COBLL1: variants seen among roughly 807,000 people sequenced by gnomAD.
COBLL1 encodes the protein cordon-bleu protein-like 1.
COBLL1 carries 50 observed loss-of-function variants against 94.8 expected under a neutral mutation model. The observed-to-expected ratio is 0.53, with a 90% CI of 0.42 to 0.67. The LOEUF (loss-of-function observed/expected upper bound fraction) is 0.67. Among genes scored for constraint, COBLL1 ranks in the 30% least tolerant of loss-of-function variants. COBLL1 has a pLI of 0.00. For missense variants in COBLL1, 1,362 were observed against 1,348.7 expected (o/e 1.01, Z -0.15); for synonymous variants, 448 against 473.8 (o/e 0.95, Z 0.71).
At chr2:164,700,106 A>G (rs1390710019) in intron 10 of COBLL1, among the ~76,000 whole-genome samples, 1 of 152,144 alleles carries the variant, frequency 6.6e-6, no homozygotes, top group African/African-American at 2.4e-5. Flanking sequence ...TTGACTGCAA[A>G]GATAATACTC....
chr2:164,713,668 T>C (rs1226384381), intron 7 of COBLL1, among the ~76,000 whole-genome samples: 1 of 152,174 alleles, frequency 6.6e-6, no homozygotes, highest in Non-Finnish European at 1.5e-5. Context: ...AACCTAAGCA[T>C]GTCGTCATCA....
At chr2:164,738,996 A>G (rs1686461864) in intron 3 of COBLL1, among the ~76,000 whole-genome samples, 1 of 152,164 alleles carries the variant, frequency 6.6e-6, no homozygotes, top group African/African-American at 2.4e-5. Context: ...TATATAAATT[A>G]AATATTTTAA....
At chr2:164,723,104 G>C (rs574669665) in intron 5 of COBLL1, 1 of 152,234 alleles carries the variant, frequency 6.6e-6, no homozygotes, top group Non-Finnish European at 1.5e-5. Context: ...GCCACCATTG[G>C]CAATGAGGTT....
intron 3 of COBLL1, among the ~76,000 whole-genome samples, chr2:164,731,630 G>A: frequency 6.6e-6 from 1 of 152,146 alleles, no homozygotes; most frequent in East Asian, 1.9e-4. Flanking sequence ...TTTACAGATG[G>A]AGGCATAGGT....
chr2:164,804,281 G>A (rs1440216318), intron 2 of COBLL1, among the ~76,000 whole-genome samples: 3 of 152,062 alleles, frequency 2.0e-5, no homozygotes, highest in Non-Finnish European at 4.4e-5. Flanking sequence ...GCAATCTCCA[G>A]ACGTATTGGA....
chr2:164,704,408 T>G (rs56944983), intron 9 of COBLL1, 36 bp downstream of exon 9: 1 of 1,344,300 alleles, frequency 7.4e-7, no homozygotes, highest in Non-Finnish European at 1.1e-6. Context: ...ACGTCCTTTT[T>G]CAGTAATTAC....
chr2:164,661,818 G>A (rs1691074273), intron 2 of COBLL1, among the ~76,000 whole-genome samples: 1 of 152,070 alleles, frequency 6.6e-6, no homozygotes, highest in East Asian at 1.9e-4. Flanking sequence ...TTTAACTTAA[G>A]GCATATTTAA....
At chr2:164,778,303 G>T (rs1370442265) in intron 2 of COBLL1, among the ~76,000 whole-genome samples, 1 of 152,150 alleles carries the variant, frequency 6.6e-6, no homozygotes, top group Non-Finnish European at 1.5e-5. Context: ...AAGTCTTAAT[G>T]CTCCAAAGAA....
intron 2 of COBLL1, among the ~76,000 whole-genome samples, chr2:164,747,188 AT>A (rs71838175): frequency 0.043 from 6,523 of 150,994 alleles, 149 homozygotes; most frequent in African/African-American, 0.07. Context: ...CTTGTCTGGG[AT>A]TTTTTTTTTA....
At chr2:164,779,430 T>C (rs1028045491) in intron 2 of COBLL1, among the ~76,000 whole-genome samples, 2 of 152,100 alleles carry the variant, frequency 1.3e-5, no homozygotes, top group Non-Finnish European at 2.9e-5. Context: ...CCTTGCTCCC[T>C]TCAGCCTTAA....
At chr2:164,715,380 A>C (rs3820984) in intron 7 of COBLL1, among the ~76,000 whole-genome samples, 2 of 152,062 alleles carry the variant, frequency 1.3e-5, no homozygotes. Context: ...TCCACTTTCT[A>C]TATAATAAAT....
chr2:164,727,654 C>A (rs1685780172), intron 5 of COBLL1, among the ~76,000 whole-genome samples: 1 of 149,482 alleles, frequency 6.7e-6, no homozygotes, highest in South Asian at 2.1e-4. Context: ...TCTGTTTAAG[C>A]CTCAAAGCCA....
chr2:164,747,354 C>G (rs12612633), intron 2 of COBLL1, among the ~76,000 whole-genome samples: 6,525 of 152,256 alleles, frequency 0.043, 149 homozygotes, highest in African/African-American at 0.07. Context: ...GTTTTGATGT[C>G]TGTGTGTGAC....
In COBLL1 at chr2:164,732,035, G is replaced by A. The variant is rs543018156; in HGVS notation, c.231-1920C>T. Among the ~76,000 whole-genome samples the A allele has an allele frequency of 2.5e-4, 38 of 152,190 alleles. No individual in the cohort carries two copies. In the East Asian group the frequency reaches 4.4e-3, roughly 18 times the overall value. On this transcript the variant is annotated intron_variant, in intron 3 of 13. Transcript: ENST00000652658. ...GCCCCCATCTCTACTTTCTGTGGTC[G>A]CTGCCTACTCCTAGGCCAGTCCAAT...
chr2:164,691,356 A>G (rs984791584), intron 13 of COBLL1, among the ~76,000 whole-genome samples: 14 of 152,168 alleles, frequency 9.2e-5, no homozygotes, highest in Non-Finnish European at 1.6e-4. Flanking sequence ...GTCTCTTACT[A>G]TTCTCTAAAT....
chr2:164,759,270 C>T (rs1389683296), intron 2 of COBLL1, among the ~76,000 whole-genome samples: 2 of 152,016 alleles, frequency 1.3e-5, no homozygotes, highest in Non-Finnish European at 2.9e-5. Context: ...AGAAAACTCC[C>T]TGAAATAAAT....
In COBLL1 at chr2:164,704,500, C is replaced by T; in HGVS notation, c.1169G>A (p.Gly390Glu). 1.2e-6 allele frequency: 2 copies of T among 1,613,400 alleles called. No homozygotes were observed. ...SRVTALQPVDGVPPDSASEAN... is the reference protein window; with the variant it reads ...SRVTALQPVDEVPPDSASEAN... The stretch of plus-strand genomic sequence containing the variant: ...TTCTGAAGCACTGTCTGGAGGAACT[C>T]CATCTACTGGCTGTAAGGCTAAAGG... The change falls in exon 9 of 14, where the codon GGA becomes GAA. Residue 390 changes from glycine (G) to glutamate (E), a missense_variant. Coordinates refer to ENST00000652658, the MANE Select transcript of COBLL1 (RefSeq NM_001365672.2).
At chr2:164,804,344 A>G (rs1683978660) in intron 2 of COBLL1, among the ~76,000 whole-genome samples, 1 of 152,146 alleles carries the variant, frequency 6.6e-6, no homozygotes, top group African/African-American at 2.4e-5. Flanking sequence ...TATAAATAAC[A>G]TGTGCTGCTG....
intron 2 of COBLL1, among the ~76,000 whole-genome samples, chr2:164,753,493 T>C (rs1687227774): frequency 6.6e-6 from 1 of 152,066 alleles, no homozygotes; most frequent in Admixed American, 6.6e-5. Flanking sequence ...TAAATACGAC[T>C]TGCCTGCTTC....
Sources: allele counts gnomAD v4.1 joint callset (sites outside exome capture counted in the v4.1 genomes callset), GRCh38; gene constraint gnomAD v4.1.1; transcripts MANE v1.5; gene names NCBI Gene and HGNC (gene_info 2026-07-23, HGNC 2026-07-21).